Variants in GABRB2 observed in about 807,000 individuals in gnomAD.
The protein encoded by GABRB2 is gamma-aminobutyric acid type A receptor subunit beta2, also known as gamma-aminobutyric acid receptor subunit beta-2.
In GABRB2, 16 loss-of-function variants were observed where a neutral mutation model predicts 54.7. The observed-to-expected ratio is 0.29, with a 90% CI of 0.20 to 0.44. GABRB2 has a LOEUF of 0.44. GABRB2 is among the 20% of genes least tolerant of loss of function. GABRB2 has a pLI of 1.00. For missense variants in GABRB2, 355 were observed against 644.0 expected, an observed-to-expected ratio of 0.55 and a Z score of 4.86; for synonymous variants, 244 against 233.8, an observed-to-expected ratio of 1.04 and a Z score of -0.40.
At chr5:161,294,528 G>T in intron 9 of GABRB2, 100 bp from the exon 10 acceptor site, 2 of 961,296 alleles carry the variant, frequency 2.1e-6, no homozygotes, top group Non-Finnish European at 3.1e-6. Context: ...ATTTATAGGA[G>T]TGGTAAAGAG....
At position 161,396,550 on chromosome 5, in the gene GABRB2, C is replaced by T. The variant is rs536592394; in HGVS notation, c.541+14425G>A. On this transcript the variant is annotated intron_variant, in intron 5 of 9. Coordinates refer to ENST00000393959, the MANE Select transcript of GABRB2 (RefSeq NM_001371727.1). ...ACATACTTTCTCTGAATTCTTTCCA[C>T]GGTTTTCCAAGCCTAGTAAAGTATC... Among the ~76,000 whole-genome samples the T allele has an allele frequency of 3.3e-4, 51 of 152,242 alleles. 1 individual carries two copies. The South Asian group carries it at 9.3e-3, about 28-fold the overall frequency.
intron 3 of GABRB2, among the ~76,000 whole-genome samples, chr5:161,508,092 A>T (rs1759663944): frequency 6.6e-6 from 1 of 151,956 alleles, no homozygotes; most frequent in Non-Finnish European, 1.5e-5. Context: ...TGTTTTAAGT[A>T]CTATTTATTA....
At chr5:161,345,177 G>T (rs1754284363) in intron 5 of GABRB2, among the ~76,000 whole-genome samples, 1 of 151,780 alleles carries the variant, frequency 6.6e-6, no homozygotes, top group Non-Finnish European at 1.5e-5. Context: ...ATGTATCACA[G>T]AACTTAAAAT....
At chr5:161,310,398 T>G (rs1168930168) in intron 9 of GABRB2, among the ~76,000 whole-genome samples, 1 of 152,236 alleles carries the variant, frequency 6.6e-6, no homozygotes, top group Non-Finnish European at 1.5e-5. Flanking sequence ...TAGATATGAA[T>G]GGAGAAACAT....
At chr5:161,481,921 G>T (rs1469434675) in intron 3 of GABRB2, among the ~76,000 whole-genome samples, 1 of 151,900 alleles carries the variant, frequency 6.6e-6, no homozygotes, top group African/African-American at 2.4e-5. Flanking sequence ...ATCATCACAA[G>T]GAATCCAATA....
At chr5:161,399,441 G>T (rs1206662004) in intron 5 of GABRB2, among the ~76,000 whole-genome samples, 20 of 152,142 alleles carry the variant, frequency 1.3e-4, no homozygotes, top group Non-Finnish European at 1.0e-4. Context: ...GAGAAGTATG[G>T]CACAGAACAT....
chr5:161,480,793 C>T (rs1435309220), intron 3 of GABRB2, among the ~76,000 whole-genome samples: 1 of 151,966 alleles, frequency 6.6e-6, no homozygotes, highest in African/African-American at 2.4e-5. Context: ...GCCATTAGTG[C>T]ACTTCATAAC....
At chr5:161,381,677 G>A (rs1179782340) in intron 5 of GABRB2, among the ~76,000 whole-genome samples, 2 of 152,138 alleles carry the variant, frequency 1.3e-5, no homozygotes, top group African/African-American at 4.8e-5. Flanking sequence ...TAAGTAGGGT[G>A]ACACTGTCCA....
chr5:161,479,991 T>TAC (rs1758710806), intron 3 of GABRB2, among the ~76,000 whole-genome samples: 1 of 152,122 alleles, frequency 6.6e-6, no homozygotes, highest in African/African-American at 2.4e-5. Context: ...CATACACCCA[T>TAC]ACACACACAG....
intron 5 of GABRB2, among the ~76,000 whole-genome samples, chr5:161,375,726 A>T (rs1033835894): frequency 2.6e-5 from 4 of 152,178 alleles, no homozygotes; most frequent in African/African-American, 9.7e-5. Context: ...AAGACAGGGG[A>T]AACACAATAA....
intron 4 of GABRB2, among the ~76,000 whole-genome samples, chr5:161,444,271 C>A (rs1239439207): frequency 6.6e-6 from 1 of 152,102 alleles, no homozygotes; most frequent in Non-Finnish European, 1.5e-5. Context: ...GATACCACTG[C>A]TCTGCAATCA....
intron 3 of GABRB2, among the ~76,000 whole-genome samples, chr5:161,541,370 A>T (rs1581071090): frequency 6.6e-6 from 1 of 152,164 alleles, no homozygotes; most frequent in Non-Finnish European, 1.5e-5. Context: ...AACACCTAAC[A>T]AAAGTCAACC....
At chr5:161,336,040 CA>C (rs1753980037) in intron 6 of GABRB2, among the ~76,000 whole-genome samples, 1 of 152,026 alleles carries the variant, frequency 6.6e-6, no homozygotes, top group Non-Finnish European at 1.5e-5. Flanking sequence ...TACAAAAATG[CA>C]AAAATTTTGC....
rs1331306865 is a variant in GABRB2 at position 161,291,330 on chromosome 5, G to A, written c.*2751C>T. 2.0e-5 allele frequency: 3 copies of A among 152,138 alleles called. No individual in the cohort carries two copies. The highest frequency in any genetic ancestry group is 3.8e-4 in the East Asian group (2 of 5,198). The allele number at this position is 152,138 out of a possible 1,614,324, so 9.4% of individuals were successfully genotyped here. A position where few individuals can be genotyped will look rare whatever the true frequency, so the allele number is the denominator to read the frequency against. ...TATCAGAACTACTAAACACACCTTT[G>A]TGGTCCTTTAGTTTAACAACTGGCT... On this transcript the variant is annotated 3_prime_UTR_variant, in exon 10 of 10. Coordinates refer to ENST00000393959, the MANE Select transcript of GABRB2 (RefSeq NM_001371727.1).
At chr5:161,362,823 A>T (rs1205633338) in intron 5 of GABRB2, among the ~76,000 whole-genome samples, 1 of 152,200 alleles carries the variant, frequency 6.6e-6, no homozygotes, top group Non-Finnish European at 1.5e-5. Context: ...CAAAACCACA[A>T]TGAGATACCA....
At chr5:161,445,514 G>C (rs570637944) in intron 4 of GABRB2, among the ~76,000 whole-genome samples, 1 of 152,076 alleles carries the variant, frequency 6.6e-6, no homozygotes, top group Non-Finnish European at 1.5e-5. Context: ...TGATGGGAAG[G>C]GGGAGTTGGA....
chr5:161,340,782 AT>A (rs1334757030), intron 5 of GABRB2, among the ~76,000 whole-genome samples: 1 of 152,176 alleles, frequency 6.6e-6, no homozygotes, highest in East Asian at 1.9e-4. Flanking sequence ...AACATATTTT[AT>A]GTCCCATTTT....
At chr5:161,509,629 A>T (rs1759705467) in intron 3 of GABRB2, among the ~76,000 whole-genome samples, 1 of 151,962 alleles carries the variant, frequency 6.6e-6, no homozygotes, top group South Asian at 2.1e-4. Flanking sequence ...TGTCTCCTAA[A>T]TATTTCCCAA....
chr5:161,296,061 GTGGCA>G (rs1377933447), intron 9 of GABRB2, among the ~76,000 whole-genome samples: 1 of 152,186 alleles, frequency 6.6e-6, no homozygotes, highest in African/African-American at 2.4e-5. Flanking sequence ...TTCCTTGGAA[GTGGCA>G]TTTTTTCCCA....
Sources: gnomAD v4.1 joint callset for allele counts (sites outside exome capture counted in the v4.1 genomes callset) on GRCh38, gnomAD v4.1.1 for gene constraint, MANE v1.5 for transcripts, NCBI Gene and HGNC (gene_info 2026-07-23, HGNC 2026-07-21) for gene names.